ANO7: variants seen among roughly 807,000 people sequenced by gnomAD.
The protein encoded by ANO7 is anoctamin-7.
Under a neutral mutation model 115.8 loss-of-function variants are expected in ANO7, and 114 were observed. That is an observed-to-expected ratio of 0.98 (90% CI 0.85 to 1.15). The LOEUF is 1.15. Among genes scored for constraint, ANO7 ranks in the 50% most tolerant of loss-of-function variants. The probability of loss-of-function intolerance (pLI) is 0.00; values close to 1 mark genes in which losing one functional copy is unlikely to be tolerated. For missense variants in ANO7, 1,302 were observed against 1,201.2 expected (o/e 1.08, Z -1.24); for synonymous variants, 550 against 498.2 (o/e 1.10, Z -1.38).
intron 18 of ANO7, 126 bp from the exon 19 acceptor site, chr2:241,215,967 T>C (rs1000255005): frequency 8.3e-7 from 1 of 1,206,352 alleles, no homozygotes. Context: ...CCAGACCCCA[T>C]CCCTCCCTGC....
At chr2:241,229,718 G>C, downstream of ANO7, 1 of 1,612,268 alleles carries the variant, frequency 6.2e-7, no homozygotes, top group Non-Finnish European at 8.5e-7. Flanking sequence ...GCTTCAGGAG[G>C]GGATGCTCCC....
In ANO7 at chr2:241,218,289, G is replaced by C; in HGVS notation, c.2229G>C (p.Arg743=). The change falls in exon 21 of 25, where the codon CGG becomes CGC. Residue 743 remains arginine (R), a synonymous_variant. Coordinates refer to ENST00000674324, the MANE Select transcript of ANO7 (RefSeq NM_001370694.2). ...SSDFLPRAYY[R]WTRAHDLRGF... is the part of the protein sequence containing the mutation. ...ACTTCCTGCCGCGCGCCTACTACCG[G>C]TGGACCCGCGCCCACGACCTGCGCG... is the stretch of plus-strand genomic sequence containing the variant. 6.5e-7 allele frequency: 1 copy of C among 1,535,952 alleles called. No homozygotes were observed. The highest frequency in any genetic ancestry group is 8.7e-7 in the Non-Finnish European group (1 of 1,148,980).
At chr2:241,204,807 T>C in intron 9 of ANO7, 58 bp from the exon 10 acceptor site, 1 of 1,451,620 alleles carries the variant, frequency 6.9e-7, no homozygotes, top group Admixed American at 1.7e-5. Flanking sequence ...TGCAGACCCC[T>C]ACCTGGGGCC....
Position 241,210,663 on chromosome 2 carries a change from G to A in ANO7, c.1561+93G>A, listed in dbSNP as rs1396076881. On this transcript the variant is annotated intron_variant, in intron 15 of 24. Coordinates refer to ENST00000674324, the MANE Select transcript of ANO7 (RefSeq NM_001370694.2). ...ACTTTCTCACTCACTGACACACATG[G>A]CCCTCATTTCTATTTCTTTCTTCTT... The A allele has an allele frequency of 3.9e-6, 4 of 1,018,892 alleles. No homozygotes were observed. In the Admixed American group the frequency reaches 7.4e-5, roughly 19 times the overall value. The allele number at this position is 1,018,892 out of a possible 1,614,324, so 63.1% of individuals were successfully genotyped here.
chr2:241,194,057 T>A (rs1165073230), intron 3 of ANO7, among the ~76,000 whole-genome samples: 3 of 152,144 alleles, frequency 2.0e-5, no homozygotes, highest in African/African-American at 7.2e-5. Context: ...GTATTTTTAG[T>A]AGAGACAGGG....
chr2:241,212,488 C>T, intron 16 of ANO7, 84 bp from the exon 17 acceptor site: 1 of 1,433,602 alleles, frequency 7.0e-7, no homozygotes, highest in South Asian at 1.2e-5. Context: ...GGTGCAGCAG[C>T]TCTGCTGAGG....
intron 3 of ANO7, among the ~76,000 whole-genome samples, chr2:241,195,178 TG>T (rs1211864885): frequency 1.3e-5 from 2 of 152,258 alleles, no homozygotes; most frequent in Middle Eastern, 3.4e-3. Flanking sequence ...TGGGCTCTAT[TG>T]CCCTCCCTGT....
the ANO7 span, among the ~76,000 whole-genome samples, chr2:241,237,172 T>C: frequency 0.04 from 6,125 of 152,030 alleles, 163 homozygotes; most frequent in Non-Finnish European, 0.063. Flanking sequence ...GAGGCAGGGC[T>C]CATCAGGGAA....
chr2:241,201,202 C>T (rs1559443729), intron 6 of ANO7, 96 bp from the exon 7 acceptor site: 4 of 1,478,442 alleles, frequency 2.7e-6, no homozygotes, highest in Non-Finnish European at 2.7e-6. Context: ...AAACCTTCTG[C>T]ACCGTTCACA....
chr2:241,199,172 A>G, intron 4 of ANO7, 144 bp from the exon 5 acceptor site: 1 of 728,844 alleles, frequency 1.4e-6, no homozygotes. Flanking sequence ...AGTAGGTGTC[A>G]TGTATCAAAT....
chr2:241,193,523 T>A (rs766115136), intron 3 of ANO7, among the ~76,000 whole-genome samples: 7 of 141,246 alleles, frequency 5.0e-5, no homozygotes, highest in Non-Finnish European at 9.3e-5. Context: ...TCAGACCACA[T>A]CTCCTGCTAC....
chr2:241,218,237 A>T lies in ANO7; in HGVS notation c.2179-2A>T. The T allele has an allele frequency of 1.3e-6, 2 of 1,493,856 alleles. No individual in the cohort carries two copies. The highest frequency in any genetic ancestry group is 1.8e-6 in the Non-Finnish European group (2 of 1,127,586). 92.5% of individuals were successfully genotyped at this position (1,493,856 alleles called of 1,614,324 possible). ...CCTCGCGCTGACCCCTCCGGCGCCC[A>T]GGCCTTCCTCCTGGCCTTCTCGTCC... On this transcript the variant is annotated splice_acceptor_variant, in intron 20 of 24. Transcript: ENST00000674324. LOFTEE classifies it high-confidence loss of function.
At chr2:241,239,157 T>C in the ANO7 span, among the ~76,000 whole-genome samples, 1 of 152,180 alleles carries the variant, frequency 6.6e-6, no homozygotes, top group East Asian at 1.9e-4. This position sits in a 1 kb window ranked among gnomAD's most constrained non-coding sequence, Gnocchi z 4.6. Context: ...GGACACTCTC[T>C]AAAGACTGCT....
At chr2:241,223,469 G>T in intron 22 of ANO7, 193 bp downstream of exon 22, 2 of 1,038,058 alleles carry the variant, frequency 1.9e-6, no homozygotes, top group East Asian at 2.6e-5. Context: ...TGGACATTGT[G>T]GGTGTCTCCA....
chr2:241,214,818 G>A lies in ANO7; in HGVS notation c.1742G>A (p.Gly581Asp). The change falls in exon 18 of 25, where the codon GGC becomes GAC. Residue 581 changes from glycine to aspartate, a missense_variant. By Grantham distance (94) the Gly-to-Asp change is moderately conservative. Coordinates refer to ENST00000674324, the MANE Select transcript of ANO7 (RefSeq NM_001370694.2). Reference protein sequence around the residue: ...GVRNEECAAGGCLIELAQELL... With the variant: ...GVRNEECAAGDCLIELAQELL... Reference sequence around the variant, plus strand: ...CTGCTGCCGTAGTGCGCGGCTGGAGGCTGCCTGATCGAGCTGGCACAGGAG... The same window carrying A: ...CTGCTGCCGTAGTGCGCGGCTGGAGACTGCCTGATCGAGCTGGCACAGGAG... 1 of 1,612,000 alleles carries A rather than the reference G, an allele frequency of 6.2e-7. No individual in the cohort carries two copies. Among genetic ancestry groups the A allele is most frequent in the Non-Finnish European group, 8.5e-7 (1 of 1,179,920 alleles).
At chr2:241,239,350 C>T in the ANO7 span, among the ~76,000 whole-genome samples, 1 of 152,110 alleles carries the variant, frequency 6.6e-6, no homozygotes, top group Non-Finnish European at 1.5e-5. This position sits in a 1 kb window ranked among gnomAD's most constrained non-coding sequence, Gnocchi z 4.6. Context: ...TCTCTCTCTC[C>T]CCTCTCCTCT....
chr2:241,230,240 G>A (rs760986441), downstream of ANO7: 2 of 1,606,794 alleles, frequency 1.2e-6, no homozygotes, highest in African/African-American at 2.7e-5. This position sits in a 1 kb window ranked among gnomAD's most constrained non-coding sequence, Gnocchi z 5.0. Context: ...TGGGGTCTGG[G>A]GCTCCGCTCT....
chr2:241,214,855 C>A lies in ANO7; in HGVS notation c.1779C>A (p.Ile593=), dbSNP rs757286409. ...LIELAQELLV[I]MVGKQVINNM... is the part of the protein sequence containing the mutation. ...AGCTGGCACAGGAGCTCCTGGTCAT[C>A]ATGGTGGGCAAGCAGGTCATCAACA... The change falls in exon 18 of 25, where the codon ATC becomes ATA. Residue 593 remains isoleucine, a synonymous_variant. Coordinates refer to ENST00000674324, the MANE Select transcript of ANO7 (RefSeq NM_001370694.2). The A allele has an allele frequency of 3.1e-6, 5 of 1,612,920 alleles. No homozygotes were observed. The highest frequency in any genetic ancestry group is 3.4e-6 in the Non-Finnish European group (4 of 1,179,946).
chr2:241,212,517 G>C, intron 16 of ANO7, 55 bp from the exon 17 acceptor site: 9 of 1,573,158 alleles, frequency 5.7e-6, no homozygotes, highest in Non-Finnish European at 7.8e-6. Context: ...GCCCAGGGAA[G>C]TGGGAGGAGA....
Sources: gnomAD v4.1 joint callset for allele counts (sites outside exome capture counted in the v4.1 genomes callset) on GRCh38, gnomAD v4.1.1 for gene constraint, Gnocchi (gnomAD v3.1) non-coding constraint, MANE v1.5 for transcripts, NCBI Gene and HGNC (gene_info 2026-07-23, HGNC 2026-07-21) for gene names.